Variants in OCLN observed in about 807,000 individuals in gnomAD.
OCLN encodes phosphatase 1, regulatory subunit 115.
Under a neutral mutation model 47.9 loss-of-function variants are expected in OCLN, and 21 were observed. That is an observed-to-expected ratio of 0.44 (90% CI 0.31 to 0.63). OCLN has a LOEUF of 0.63. Ranked by LOEUF, OCLN falls within the 30% of genes least tolerant of loss-of-function variation. The pLI, the probability that OCLN is intolerant of heterozygous loss-of-function variation, is 0.08. For synonymous variants in OCLN, 117 were observed against 198.4 expected (o/e 0.59, Z 3.45); for missense variants, 360 against 571.0 (o/e 0.63, Z 3.77).
intron 4 of OCLN, among the ~76,000 whole-genome samples, chr5:69,515,438 C>T (rs1402098210): frequency 6.2e-5 from 8 of 128,550 alleles, no homozygotes; most frequent in African/African-American, 2.3e-4. Flanking sequence ...CCAGACGGGG[C>T]GGCTGGCCGG....
intron 4 of OCLN, among the ~76,000 whole-genome samples, chr5:69,531,690 A>G (rs975295742): frequency 1.3e-5 from 2 of 152,242 alleles, no homozygotes; most frequent in African/African-American, 4.8e-5. Context: ...GTTGCTGCCA[A>G]ATTCCACTTT....
intron 4 of OCLN, among the ~76,000 whole-genome samples, chr5:69,532,234 G>A (rs1769452188): frequency 6.6e-6 from 1 of 151,922 alleles, no homozygotes; most frequent in African/African-American, 2.4e-5. Context: ...GATGCTATTG[G>A]TTGTGTTTGT....
intron 5 of OCLN, among the ~76,000 whole-genome samples, chr5:69,535,046 A>G (rs1299667918): frequency 1.3e-5 from 2 of 151,902 alleles, no homozygotes; most frequent in Non-Finnish European, 2.9e-5. Context: ...GTGGGGTTCT[A>G]TTTCCCTTCT....
At chr5:69,531,111 TGTC>T (rs1769419950) in intron 4 of OCLN, among the ~76,000 whole-genome samples, 3 of 152,270 alleles carry the variant, frequency 2.0e-5, no homozygotes, top group Non-Finnish European at 4.4e-5. Flanking sequence ...CAAAATGATC[TGTC>T]ACTTCAATAT....
intron 5 of OCLN, 25 bp downstream of exon 5, chr5:69,534,864 A>C: frequency 6.5e-7 from 1 of 1,536,122 alleles, no homozygotes; most frequent in Non-Finnish European, 8.8e-7. Context: ...TCTTAGTTTG[A>C]TAGACTGAGT....
At chr5:69,510,248 G>T (rs772080566) in intron 3 of OCLN, among the ~76,000 whole-genome samples, 3 of 152,070 alleles carry the variant, frequency 2.0e-5, no homozygotes, top group Non-Finnish European at 4.4e-5. Context: ...CTTCTTTTAC[G>T]TAGCATAATG....
intron 1 of OCLN, among the ~76,000 whole-genome samples, chr5:69,497,597 A>C (rs971029268): frequency 4.6e-5 from 7 of 151,896 alleles, no homozygotes; most frequent in Non-Finnish European, 1.0e-4. Context: ...CGTGTTGGCC[A>C]AGATGGTCTC....
chr5:69,518,275 G>A (rs1276320338), intron 4 of OCLN, among the ~76,000 whole-genome samples: 4 of 152,128 alleles, frequency 2.6e-5, no homozygotes, highest in Non-Finnish European at 5.9e-5. Flanking sequence ...TTTCTCTCTA[G>A]TAACAAGTAT....
Position 69,509,666 on chromosome 5 carries a change from C to G in OCLN, c.576C>G (p.Val192=). 1 of 1,614,172 alleles carries G rather than the reference C, an allele frequency of 6.2e-7. No homozygotes were observed. The highest frequency in any genetic ancestry group is 8.5e-7 in the Non-Finnish European group (1 of 1,180,018). ...LGIMVFIATI[V]YIMGVNPTAQ... is the part of the protein sequence containing the mutation. Reference sequence around the variant, plus strand: ...TCATGGTGTTTATTGCCACAATTGTCTATATAATGGGAGTGAACCCAACTG... The same window carrying G: ...TCATGGTGTTTATTGCCACAATTGTGTATATAATGGGAGTGAACCCAACTG... The change falls in exon 3 of 9, where the codon GTC becomes GTG. Residue 192 remains valine (V), a synonymous_variant. Coordinates refer to ENST00000396442, the MANE Select transcript of OCLN (RefSeq NM_001205254.2).
Position 69,547,817 on chromosome 5 carries a change from C to G in OCLN, c.1254-113C>G, listed in dbSNP as rs190476921. 1.0e-4 allele frequency: 77 copies of G among 738,196 alleles called. No homozygotes were observed. The East Asian group carries it at 1.9e-3, about 18-fold the overall frequency. 45.7% of individuals were successfully genotyped at this position (738,196 alleles called of 1,614,324 possible). ...TTCCCCATAAGAAACAAAAACGAAA[C>G]AAGAAAATGTCATTCTCCATACCCA... is the stretch of plus-strand genomic sequence containing the variant. On this transcript the variant is annotated intron_variant, in intron 6 of 8. Transcript: ENST00000396442.
intron 4 of OCLN, among the ~76,000 whole-genome samples, chr5:69,531,925 G>T (rs1192376882): frequency 6.6e-6 from 1 of 152,170 alleles, no homozygotes; most frequent in South Asian, 2.1e-4. Flanking sequence ...GAACCTAATT[G>T]TAAGGCTTTA....
At chr5:69,521,435 AG>A (rs1327291060) in intron 4 of OCLN, among the ~76,000 whole-genome samples, 1 of 152,168 alleles carries the variant, frequency 6.6e-6, no homozygotes, top group Non-Finnish European at 1.5e-5. Flanking sequence ...TGTTTGTGTA[AG>A]ATAAATTTCT....
At chr5:69,528,656 C>T (rs1198319587) in intron 4 of OCLN, among the ~76,000 whole-genome samples, 1 of 152,158 alleles carries the variant, frequency 6.6e-6, no homozygotes, top group Non-Finnish European at 1.5e-5. Flanking sequence ...GTTCAAATCT[C>T]CCCTCTGCTA....
chr5:69,516,261 G>C (rs550389014), intron 4 of OCLN, among the ~76,000 whole-genome samples: 1 of 152,242 alleles, frequency 6.6e-6, no homozygotes, highest in Admixed American at 6.5e-5. Context: ...TTGGGAGGCC[G>C]AGGCTGGCGG....
chr5:69,500,429 T>C (rs1162448458), intron 1 of OCLN, among the ~76,000 whole-genome samples: 1 of 151,804 alleles, frequency 6.6e-6, no homozygotes, highest in Non-Finnish European at 1.5e-5. Context: ...AGACGGAGTT[T>C]TGCTCTTTTT....
chr5:69,500,375 A>G (rs1449892391), intron 1 of OCLN, among the ~76,000 whole-genome samples: 1 of 151,390 alleles, frequency 6.6e-6, no homozygotes, highest in Non-Finnish European at 1.5e-5. Context: ...TTGGTGTGGC[A>G]TGACTTGTTC....
At position 69,509,459 on chromosome 5, in the gene OCLN, T is replaced by C. The variant is rs780653288; in HGVS notation, c.369T>C (p.Gly123=). ...GAAGTGGCTATGGCTATGGCTATGGTTATGGCTATGGCTACGGAGGCTATA... is the reference window on the plus strand; with the variant it reads ...GAAGTGGCTATGGCTATGGCTATGGCTATGGCTATGGCTACGGAGGCTATA... ...SYGSGYGYGY[G]YGYGYGGYTD... Residue 123 remains glycine (G), a synonymous_variant, in exon 3 of 9, where the codon GGT becomes GGC. Coordinates refer to ENST00000396442, the MANE Select transcript of OCLN (RefSeq NM_001205254.2). 10 of 1,613,972 alleles carry C rather than the reference T, an allele frequency of 6.2e-6. No individual in the cohort carries two copies. In the African/African-American group the frequency reaches 1.2e-4, roughly 19 times the overall value.
chr5:69,533,715 C>T (rs1419897047), intron 4 of OCLN, among the ~76,000 whole-genome samples: 2 of 152,196 alleles, frequency 1.3e-5, no homozygotes, highest in African/African-American at 2.4e-5. Flanking sequence ...TGCAATGGCA[C>T]TATCTCTGCT....
At chr5:69,500,127 T>G in intron 1 of OCLN, among the ~76,000 whole-genome samples, 1 of 152,216 alleles carries the variant, frequency 6.6e-6, no homozygotes, top group Admixed American at 6.5e-5. Context: ...TGGATAAGCG[T>G]GTCTCCTCCA....
Sources: allele counts gnomAD v4.1 joint callset (sites outside exome capture counted in the v4.1 genomes callset), GRCh38; gene constraint gnomAD v4.1.1; transcripts MANE v1.5; gene names NCBI Gene and HGNC (gene_info 2026-07-23, HGNC 2026-07-21).